Variants in RSPH14 observed in about 807,000 individuals in gnomAD.
The protein encoded by RSPH14 is rhabdoid tumor deletion region gene 1.
In RSPH14, 20 loss-of-function variants were observed where a neutral mutation model predicts 26.7. That is an observed-to-expected ratio of 0.75 (90% CI 0.53 to 1.09). The LOEUF is 1.09. Among genes scored for constraint, RSPH14 ranks in the 50% least tolerant of loss-of-function variants. RSPH14 has a pLI of 0.00. For missense variants in RSPH14, 449 were observed against 457.2 expected (o/e 0.98, Z 0.16); for synonymous variants, 177 against 189.3 (o/e 0.93, Z 0.53).
chr22:23,067,089 G>A lies in RSPH14; in HGVS notation c.422-2956C>T, dbSNP rs571126872. Among the ~76,000 whole-genome samples the A allele has an allele frequency of 6.2e-4, 95 of 152,180 alleles. 6 individuals are homozygous for A. The highest frequency in any genetic ancestry group is 2.4e-4 in the Non-Finnish European group (16 of 68,036). On this transcript the variant is annotated intron_variant, in intron 4 of 6. Transcript: ENST00000216036. ...ATGTATGTGTTTGTGGGGAGTCCCCGATCTGGCCTGGCTGATATGTAGGGG... is the reference window on the plus strand; with the variant it reads ...ATGTATGTGTTTGTGGGGAGTCCCCAATCTGGCCTGGCTGATATGTAGGGG...
intron 4 of RSPH14, among the ~76,000 whole-genome samples, chr22:23,112,670 GT>G (rs1461186618): frequency 6.6e-6 from 1 of 152,242 alleles, no homozygotes; most frequent in Non-Finnish European, 1.5e-5. Flanking sequence ...CACCAGCGGG[GT>G]GGGAATGGCA....
At chr22:23,103,639 A>G (rs1569177635) in intron 4 of RSPH14, among the ~76,000 whole-genome samples, 3 of 152,190 alleles carry the variant, frequency 2.0e-5, no homozygotes, top group Non-Finnish European at 4.4e-5. Context: ...GCAACCTTGC[A>G]TTGGCTAACA....
At chr22:23,065,783 T>C (rs2068197460) in intron 4 of RSPH14, among the ~76,000 whole-genome samples, 1 of 152,102 alleles carries the variant, frequency 6.6e-6, no homozygotes, top group Non-Finnish European at 1.5e-5. Flanking sequence ...GTCTCCTGAA[T>C]TCCACCAACA....
chr22:23,072,550 G>T (rs1388851676), intron 4 of RSPH14, among the ~76,000 whole-genome samples: 1 of 152,202 alleles, frequency 6.6e-6, no homozygotes, highest in Non-Finnish European at 1.5e-5. Context: ...CTCTGAAGGG[G>T]CTGTTTGTTA....
At position 23,136,719 on chromosome 22, in the gene RSPH14, T is replaced by G. The variant is rs1485235104; in HGVS notation, c.302+2121A>C. 5.0e-5 allele frequency among the ~76,000 whole-genome samples: 7 copies of G among 139,330 alleles called. 3 individuals are homozygous for G. Among genetic ancestry groups the G allele is most frequent in the Non-Finnish European group, 1.1e-4 (7 of 62,496 alleles). The allele number at this position is 139,330 out of a possible 152,430, so 91.4% of individuals were successfully genotyped here. A position where few individuals can be genotyped will look rare whatever the true frequency, so the allele number is the denominator to read the frequency against. On this transcript the variant is annotated intron_variant, in intron 3 of 6. Transcript: ENST00000216036. ...GCACTAACCTGATAATTGCTCAGGC[T>G]TCAGGGACCTGTCCTCTCAGCATCT...
intron 4 of RSPH14, among the ~76,000 whole-genome samples, chr22:23,120,113 CA>C: frequency 6.6e-6 from 1 of 152,184 alleles, no homozygotes; most frequent in Non-Finnish European, 1.5e-5. Flanking sequence ...GCACCGTGCC[CA>C]CCTCCAGCTG....
At chr22:23,176,041 G>T in the RSPH14 span, among the ~76,000 whole-genome samples, 1 of 152,198 alleles carries the variant, frequency 6.6e-6, no homozygotes, top group South Asian at 2.1e-4. Flanking sequence ...CTCCAGCCCC[G>T]TGGCAACAAA....
the RSPH14 span, chr22:23,157,946 G>A: frequency 3.7e-6 from 6 of 1,612,406 alleles, no homozygotes; most frequent in East Asian, 4.5e-5. Flanking sequence ...CCCCTTGCTC[G>A]CCTCGCCTGG....
intron 4 of RSPH14, among the ~76,000 whole-genome samples, chr22:23,120,617 G>C (rs2069989923): frequency 6.6e-6 from 1 of 152,082 alleles, no homozygotes; most frequent in Non-Finnish European, 1.5e-5. Context: ...ACCCATCAGG[G>C]CTCAGAGAGG....
chr22:23,176,403 C>T, the RSPH14 span, among the ~76,000 whole-genome samples: 2 of 152,170 alleles, frequency 1.3e-5, no homozygotes, highest in African/African-American at 2.4e-5. Context: ...CTTGATACAC[C>T]GCTTCCTTTC....
intron 4 of RSPH14, among the ~76,000 whole-genome samples, chr22:23,126,885 A>C (rs117489334): frequency 5.7e-4 from 87 of 152,322 alleles, no homozygotes; most frequent in Admixed American, 1.1e-3. Flanking sequence ...CCACGTGGTC[A>C]CCCTGGTGGT....
chr22:23,062,454 C>T (rs1313268414), intron 5 of RSPH14, among the ~76,000 whole-genome samples: 2 of 152,204 alleles, frequency 1.3e-5, no homozygotes, highest in Non-Finnish European at 2.9e-5. Context: ...CAAAAGTTTC[C>T]TGAGAGAGGG....
the RSPH14 span, among the ~76,000 whole-genome samples, chr22:23,158,425 AT>A: frequency 6.6e-6 from 1 of 152,308 alleles, no homozygotes; most frequent in Admixed American, 6.5e-5. Context: ...AGTGACATGA[AT>A]TTGGCACTTG....
chr22:23,130,083 GGAAGAAAGAAAGA>G (rs1569192466), intron 4 of RSPH14, among the ~76,000 whole-genome samples: 363 of 28,994 alleles, frequency 0.013, no homozygotes, highest in Non-Finnish European at 0.016. Context: ...AAGAAAGAAA[GGAAGAAAGAAAGA>G]AAGAAAGAAA....
At chr22:23,161,378 G>T in the RSPH14 span, 1 of 917,450 alleles carries the variant, frequency 1.1e-6, no homozygotes, top group Non-Finnish European at 1.7e-6. Flanking sequence ...GGCCATTCAG[G>T]CCTTGAACAG....
chr22:23,140,113 G>T, intron 2 of RSPH14, 109 bp downstream of exon 2: 2 of 1,397,922 alleles, frequency 1.4e-6, no homozygotes, highest in Non-Finnish European at 2.0e-6. Flanking sequence ...AGTGGAACTG[G>T]CCTGGAGTCA....
At chr22:23,156,142 C>G in the RSPH14 span, 46 of 853,830 alleles carry the variant, frequency 5.4e-5, no homozygotes, top group Admixed American at 8.7e-4. Context: ...TTTTGTCCTC[C>G]AAGACCCACT....
intron 4 of RSPH14, among the ~76,000 whole-genome samples, chr22:23,116,837 A>G (rs2069852405): frequency 6.6e-6 from 1 of 151,988 alleles, no homozygotes; most frequent in Non-Finnish European, 1.5e-5. Flanking sequence ...GCTAACTCCA[A>G]AAACAGGCCC....
chr22:23,059,836 GT>G, intron 6 of RSPH14, 118 bp from the exon 7 acceptor site: 1 of 1,130,954 alleles, frequency 8.8e-7, no homozygotes, highest in Non-Finnish European at 1.2e-6. Context: ...TTTATGCCTG[GT>G]TTATGCCCCA....
Sources: gnomAD v4.1 joint callset for allele counts (sites outside exome capture counted in the v4.1 genomes callset) on GRCh38, gnomAD v4.1.1 for gene constraint, MANE v1.5 for transcripts, NCBI Gene and HGNC (gene_info 2026-07-23, HGNC 2026-07-21) for gene names.